PBX4: variants seen among roughly 807,000 people sequenced by gnomAD.
The protein encoded by PBX4 is pre-B-cell leukemia transcription factor 4.
A neutral mutation model predicts 35.1 loss-of-function variants in PBX4; 26 were observed. The ratio of observed to expected loss-of-function variants is 0.74; its 90% CI spans 0.54 to 1.03. PBX4 has a LOEUF of 1.03. Among genes scored for constraint, PBX4 ranks in the 50% least tolerant of loss-of-function variants. PBX4 has a pLI of 0.00. For missense variants in PBX4, 448 were observed against 504.3 expected (o/e 0.89, Z 1.07); for synonymous variants, 199 against 204.2 (o/e 0.97, Z 0.22).
At chr19:19,599,708 C>T (rs2061584639) in intron 1 of PBX4, among the ~76,000 whole-genome samples, 1 of 152,148 alleles carries the variant, frequency 6.6e-6, no homozygotes, top group Non-Finnish European at 1.5e-5. Context: ...CACAGTGGCT[C>T]ATGCCTATAA....
chr19:19,567,534 C>T (rs1284661498), intron 5 of PBX4, among the ~76,000 whole-genome samples: 1 of 152,192 alleles, frequency 6.6e-6, no homozygotes, highest in African/African-American at 2.4e-5. Flanking sequence ...TTCCTGCTGC[C>T]ATAGAGGCTG....
chr19:19,614,591 G>A (rs1382180917), intron 1 of PBX4, among the ~76,000 whole-genome samples: 1 of 150,648 alleles, frequency 6.6e-6, no homozygotes, highest in Non-Finnish European at 1.5e-5. Flanking sequence ...AGCCGAGATC[G>A]CGCCACTGCA....
intron 1 of PBX4, among the ~76,000 whole-genome samples, chr19:19,614,907 C>G (rs1202913606): frequency 6.6e-6 from 1 of 151,882 alleles, no homozygotes; most frequent in Non-Finnish European, 1.5e-5. Context: ...GGGCTGTAAT[C>G]CCAGCACTTT....
intron 1 of PBX4, among the ~76,000 whole-genome samples, chr19:19,613,248 C>A (rs977856335): frequency 5.3e-5 from 8 of 151,204 alleles, no homozygotes; most frequent in Admixed American, 1.3e-4. Context: ...GGAGGATCAC[C>A]TGAGGTCAGG....
intron 2 of PBX4, among the ~76,000 whole-genome samples, chr19:19,598,363 T>C (rs1187526363): frequency 6.7e-6 from 1 of 148,458 alleles, no homozygotes; most frequent in Non-Finnish European, 1.5e-5. Flanking sequence ...AATGGCGCGA[T>C]CTCGGCTCAC....
At chr19:19,590,148 G>C (rs1470324640) in intron 2 of PBX4, among the ~76,000 whole-genome samples, 1 of 152,082 alleles carries the variant, frequency 6.6e-6, no homozygotes, top group Non-Finnish European at 1.5e-5. Flanking sequence ...TTATTTCCAA[G>C]GTTGTGCGAC....
At chr19:19,569,099 C>A (rs2061363664) in intron 5 of PBX4, among the ~76,000 whole-genome samples, 3 of 152,168 alleles carry the variant, frequency 2.0e-5, no homozygotes, top group African/African-American at 7.2e-5. Context: ...CACTCTGTCA[C>A]CCAGGCTGGA....
intron 1 of PBX4, among the ~76,000 whole-genome samples, chr19:19,614,971 C>T (rs1007221884): frequency 6.6e-6 from 1 of 151,646 alleles, no homozygotes; most frequent in African/African-American, 2.4e-5. Context: ...ACCAGCCTAG[C>T]CAATACGGTG....
At chr19:19,577,208 A>C (rs1181558632) in intron 2 of PBX4, among the ~76,000 whole-genome samples, 2 of 152,070 alleles carry the variant, frequency 1.3e-5, no homozygotes, top group Admixed American at 1.3e-4. Context: ...AAAAAAAAAA[A>C]AAAACTCTCA....
intron 2 of PBX4, among the ~76,000 whole-genome samples, chr19:19,577,737 T>C (rs1040560429): frequency 6.6e-6 from 1 of 152,006 alleles, no homozygotes; most frequent in African/African-American, 2.4e-5. Flanking sequence ...CGCGTGCCTG[T>C]AGTCCCCACT....
At chr19:19,603,939 G>A (rs1753855065) in intron 1 of PBX4, among the ~76,000 whole-genome samples, 1 of 130,994 alleles carries the variant, frequency 7.6e-6, no homozygotes, top group South Asian at 2.4e-4. Flanking sequence ...CCCAGCGAGC[G>A]AGACTCCATC....
chr19:19,618,579 G>T lies in PBX4; in HGVS notation c.51C>A (p.Leu17=). Reference sequence around the variant, plus strand: ...TCTGCTGCAGGACGTCGCTCGTGTCGAGGCGCCGCGGGGCGGGGGGCGATG... The same window carrying T: ...TCTGCTGCAGGACGTCGCTCGTGTCTAGGCGCCGCGGGGCGGGGGGCGATG... ...PAPSPPAPRR[L]DTSDVLQQIM... is the part of the protein sequence containing the mutation. The change falls in exon 1 of 8, where the codon CTC becomes CTA. Residue 17 remains leucine (L), a synonymous_variant. Transcript: ENST00000251203. The T allele has an allele frequency of 1.5e-6, 2 of 1,330,374 alleles. No individual in the cohort carries two copies. The highest frequency in any genetic ancestry group is 1.9e-6 in the Non-Finnish European group (2 of 1,035,214). The allele number at this position is 1,330,374 out of a possible 1,614,324, so 82.4% of individuals were successfully genotyped here.
chr19:19,612,672 C>G (rs2061668837), intron 1 of PBX4, among the ~76,000 whole-genome samples: 1 of 151,992 alleles, frequency 6.6e-6, no homozygotes, highest in African/African-American at 2.4e-5. Flanking sequence ...TTGAGTTCAT[C>G]TAAAGGCTAG....
At chr19:19,598,841 C>T (rs1351699334) in intron 2 of PBX4, among the ~76,000 whole-genome samples, 2 of 151,774 alleles carry the variant, frequency 1.3e-5, no homozygotes, top group Non-Finnish European at 2.9e-5. Context: ...GCAAAACGGC[C>T]CACCATGCAC....
At chr19:19,575,792 A>T (rs535430129) in intron 2 of PBX4, among the ~76,000 whole-genome samples, 12 of 152,250 alleles carry the variant, frequency 7.9e-5, no homozygotes, top group African/African-American at 2.9e-4. Flanking sequence ...ACAAGCACAG[A>T]TGTCCCACGT....
At chr19:19,595,917 C>G (rs2061557953) in intron 2 of PBX4, among the ~76,000 whole-genome samples, 1 of 152,032 alleles carries the variant, frequency 6.6e-6, no homozygotes, top group Non-Finnish European at 1.5e-5. Flanking sequence ...TAGTGGGAAC[C>G]CTGTGGTGAA....
chr19:19,582,430 C>G (rs1309585256), intron 2 of PBX4, among the ~76,000 whole-genome samples: 2 of 152,222 alleles, frequency 1.3e-5, no homozygotes, highest in East Asian at 3.9e-4. Context: ...AAGAACACAC[C>G]AATAGACACT....
At chr19:19,574,017 A>C (rs1042071261) in intron 2 of PBX4, among the ~76,000 whole-genome samples, 1 of 152,174 alleles carries the variant, frequency 6.6e-6, no homozygotes. Context: ...GGCGTGAGTC[A>C]CCACACCCAG....
chr19:19,579,457 G>A (rs533905997), intron 2 of PBX4, among the ~76,000 whole-genome samples: 3 of 152,196 alleles, frequency 2.0e-5, no homozygotes, highest in Non-Finnish European at 4.4e-5. Context: ...CAAAGACGTG[G>A]GGAAAAGCAG....
Sources: gnomAD v4.1 joint callset for allele counts (sites outside exome capture counted in the v4.1 genomes callset) on GRCh38, gnomAD v4.1.1 for gene constraint, MANE v1.5 for transcripts, NCBI Gene and HGNC (gene_info 2026-07-23, HGNC 2026-07-21) for gene names.